PTPN11: variants seen among roughly 807,000 people sequenced by gnomAD.
PTPN11 encodes the protein tyrosine-protein phosphatase non-receptor type 11.
PTPN11 carries 6 observed loss-of-function variants against 78.8 expected under a neutral mutation model. The ratio of observed to expected loss-of-function variants is 0.08; its 90% CI spans 0.04 to 0.15. PTPN11 has a LOEUF of 0.15. Among genes scored for constraint, PTPN11 ranks in the 10% least tolerant of loss-of-function variants. The pLI, the probability that PTPN11 is intolerant of heterozygous loss-of-function variation, is 1.00. For synonymous variants in PTPN11, 221 were observed against 263.5 expected, an observed-to-expected ratio of 0.84 and a Z score of 1.56; for missense variants, 386 against 744.8, an observed-to-expected ratio of 0.52 and a Z score of 5.61.
At chr12:112,448,757 A>G (rs2038031648) in intron 2 of PTPN11, among the ~76,000 whole-genome samples, 2 of 152,212 alleles carry the variant, frequency 1.3e-5, no homozygotes. Flanking sequence ...ATATTTTAAA[A>G]TGATATATAA....
At chr12:112,438,308 AT>A (rs538365357) in intron 1 of PTPN11, among the ~76,000 whole-genome samples, 2 of 151,660 alleles carry the variant, frequency 1.3e-5, no homozygotes, top group South Asian at 4.2e-4. Context: ...ATGTCATTTT[AT>A]TTGTTTATTG....
intron 1 of PTPN11, among the ~76,000 whole-genome samples, chr12:112,428,396 CTT>C (rs11312766): frequency 4.6e-4 from 39 of 84,472 alleles, no homozygotes; most frequent in East Asian, 1.9e-3. Context: ...TGTGTGTTGT[CTT>C]TTTTTTTTTT....
intron 9 of PTPN11, among the ~76,000 whole-genome samples, chr12:112,481,127 A>C (rs1404590924): frequency 6.6e-6 from 1 of 152,202 alleles, no homozygotes; most frequent in East Asian, 1.9e-4. Context: ...CAGCTGGTTC[A>C]AAACCCCATG....
Position 112,477,625 on chromosome 12 carries a change from G to A in PTPN11, c.854-26G>A, listed in dbSNP as rs1466317966. 4 of 1,571,704 alleles carry A rather than the reference G, an allele frequency of 2.5e-6. No individual in the cohort carries two copies. In the East Asian group the frequency reaches 9.0e-5, roughly 35 times the overall value. ...TTTCCTGAAGCAGTCCAGGACTTAT[G>A]TGACCGTGGTCTCTTTTTCTTCTAG... On this transcript the variant is annotated intron_variant, in intron 7 of 15. Coordinates refer to ENST00000351677, the MANE Select transcript of PTPN11 (RefSeq NM_002834.5).
chr12:112,488,921 G>T, intron 12 of PTPN11, 103 bp from the exon 13 acceptor site: 1 of 1,481,244 alleles, frequency 6.8e-7, no homozygotes, highest in South Asian at 1.1e-5. Context: ...AAACAGCAAA[G>T]ACTAAATTAG....
intron 13 of PTPN11, among the ~76,000 whole-genome samples, chr12:112,492,795 A>G (rs575242576): frequency 2.2e-4 from 33 of 152,116 alleles, no homozygotes; most frequent in Non-Finnish European, 3.2e-4. Flanking sequence ...GGGATTACAG[A>G]TGTGAGTCAC....
intron 1 of PTPN11, among the ~76,000 whole-genome samples, chr12:112,444,427 C>T (rs954453926): frequency 5.3e-5 from 8 of 151,920 alleles, no homozygotes; most frequent in South Asian, 2.1e-4. Flanking sequence ...CTGCAACCTC[C>T]GCCTCCCGGG....
At chr12:112,435,616 C>T (rs2037776167) in intron 1 of PTPN11, among the ~76,000 whole-genome samples, 1 of 150,678 alleles carries the variant, frequency 6.6e-6, no homozygotes, top group Non-Finnish European at 1.5e-5. Context: ...AAGTTATTTT[C>T]CCTTCAATAA....
chr12:112,470,292 T>G (rs2038394800), intron 6 of PTPN11, among the ~76,000 whole-genome samples: 1 of 152,126 alleles, frequency 6.6e-6, no homozygotes, highest in South Asian at 2.1e-4. Flanking sequence ...GTAGCAATAG[T>G]GATGTCATAG....
intron 1 of PTPN11, among the ~76,000 whole-genome samples, chr12:112,439,500 G>C (rs116155570): frequency 1.3e-5 from 2 of 151,434 alleles, no homozygotes; most frequent in Non-Finnish European, 2.9e-5. Context: ...ACGGAGTCTC[G>C]CTCTTTTGTT....
intron 13 of PTPN11, among the ~76,000 whole-genome samples, chr12:112,494,126 C>T (rs1356175354): frequency 2.0e-5 from 3 of 152,142 alleles, no homozygotes; most frequent in Admixed American, 2.0e-4. Flanking sequence ...TGGTGGCGCA[C>T]ACCTGTGATC....
intron 13 of PTPN11, among the ~76,000 whole-genome samples, chr12:112,492,656 T>G (rs575268446): frequency 1.3e-5 from 2 of 152,150 alleles, no homozygotes; most frequent in East Asian, 3.9e-4. Flanking sequence ...TAGTTGGGAC[T>G]ACAGGCGCCC....
At chr12:112,438,873 C>T (rs2037837885) in intron 1 of PTPN11, among the ~76,000 whole-genome samples, 1 of 152,124 alleles carries the variant, frequency 6.6e-6, no homozygotes, top group African/African-American at 2.4e-5. Flanking sequence ...AATCCTCCCA[C>T]CCTAGCCTGC....
rs1043789214 is a variant in PTPN11, at chr12:112,482,746, G to C, written c.1224+541G>C. Among the ~76,000 whole-genome samples, 1 of 152,186 alleles carries C rather than the reference G, an allele frequency of 6.6e-6. No individual in the cohort carries two copies. The highest frequency in any genetic ancestry group is 1.5e-5 in the Non-Finnish European group (1 of 68,034). ...AAGCAGTAGATGTGAGAGGTGCCGG[G>C]GGGTGAAGTCTGCAGGATGTGGGGA... On this transcript the variant is annotated intron_variant, in intron 10 of 15. Coordinates refer to ENST00000351677, the MANE Select transcript of PTPN11 (RefSeq NM_002834.5). The surrounding 1 kb of genome is among the most constrained non-coding windows in gnomAD (Gnocchi z 4.4).
At chr12:112,459,941 A>ACACACT (rs2038224250) in intron 6 of PTPN11, among the ~76,000 whole-genome samples, 1 of 148,992 alleles carries the variant, frequency 6.7e-6, no homozygotes, top group Non-Finnish European at 1.5e-5. Flanking sequence ...ACACACACAC[A>ACACACT]CTTGCAATTT....
intron 6 of PTPN11, among the ~76,000 whole-genome samples, chr12:112,461,819 T>C (rs1398601621): frequency 1.3e-5 from 2 of 152,122 alleles, no homozygotes; most frequent in African/African-American, 2.4e-5. Flanking sequence ...ATGGGTTCAA[T>C]TGATACTTCC....
intron 1 of PTPN11, among the ~76,000 whole-genome samples, chr12:112,429,448 T>TTTACCTAG (rs2037675490): frequency 6.6e-6 from 1 of 151,812 alleles, no homozygotes; most frequent in South Asian, 2.1e-4. Flanking sequence ...GTAGGTGGTG[T>TTTACCTAG]TTACCTAGTT....
At chr12:112,492,737 T>C (rs112704007) in intron 13 of PTPN11, among the ~76,000 whole-genome samples, 8,791 of 152,114 alleles carry the variant, frequency 0.058, 584 homozygotes, top group African/African-American at 0.16. Flanking sequence ...CAGGATGGTC[T>C]TGATCTCCTG....
chr12:112,483,275 C>T (rs2038625186), intron 10 of PTPN11, among the ~76,000 whole-genome samples: 3 of 151,236 alleles, frequency 2.0e-5, no homozygotes, highest in Admixed American at 6.6e-5. Context: ...GCAGCCACAA[C>T]CTCCTAAGCT....
Sources: gnomAD v4.1 joint callset for allele counts (sites outside exome capture counted in the v4.1 genomes callset) on GRCh38, gnomAD v4.1.1 for gene constraint, Gnocchi (gnomAD v3.1) non-coding constraint, MANE v1.5 for transcripts, NCBI Gene and HGNC (gene_info 2026-07-23, HGNC 2026-07-21) for gene names.